The following ITGA2 variants were observed in gnomAD, a reference collection of about 807,000 sequenced individuals.
The protein encoded by ITGA2 is integrin subunit alpha 2.
A neutral mutation model predicts 146.3 loss-of-function variants in ITGA2; 101 were observed. The ratio of observed to expected loss-of-function variants is 0.69; its 90% CI spans 0.59 to 0.81. The LOEUF is 0.81. Among genes scored for constraint, ITGA2 ranks in the 40% least tolerant of loss-of-function variants. The probability of loss-of-function intolerance (pLI) is 0.00; values close to 1 mark genes in which losing one functional copy is unlikely to be tolerated. For synonymous variants in ITGA2, 477 were observed against 487.1 expected, an observed-to-expected ratio of 0.98 and a Z score of 0.27; for missense variants, 1,281 against 1,402.7, an observed-to-expected ratio of 0.91 and a Z score of 1.39.
At chr5:53,028,693 G>A (rs1411011927) in intron 2 of ITGA2, among the ~76,000 whole-genome samples, 1 of 152,142 alleles carries the variant, frequency 6.6e-6, no homozygotes, top group East Asian at 1.9e-4. Context: ...ACTGAACTGG[G>A]AGAACACAAG....
chr5:53,023,753 G>T (rs1335253937), intron 1 of ITGA2, among the ~76,000 whole-genome samples: 2 of 152,168 alleles, frequency 1.3e-5, no homozygotes, highest in Admixed American at 1.3e-4. Context: ...GACATCAGAA[G>T]ATATAGGCAC....
rs761181933 is a variant in ITGA2, at chr5:53,080,621, G to T, written c.3039G>T (p.Lys1013Asn). The T allele has an allele frequency of 1.2e-6, 2 of 1,607,084 alleles. No homozygotes were observed. The highest frequency in any genetic ancestry group is 1.7e-6 in the Non-Finnish European group (2 of 1,173,908). ...ACCTAACTGGGGTGCAAACAGACAA[G>T]GTAAAGATTAAAAAATTGCCTAAAA... ...LMYLTGVQTD[K>N]AGDISCNADI... The change falls in exon 25 of 30, where the codon AAG becomes AAT. Residue 1013 changes from lysine to asparagine, a missense_variant and splice_region_variant. Lys to Asn is a moderately conservative substitution (Grantham distance 94). Around this residue, in one of 3 missense-constraint regions of ITGA2, gnomAD observed 475 missense variants for 530.5 expected, o/e 0.90. Coordinates refer to ENST00000296585, the MANE Select transcript of ITGA2 (RefSeq NM_002203.4).
intron 21 of ITGA2, among the ~76,000 whole-genome samples, chr5:53,074,802 A>G (rs3212592): frequency 1.1e-3 from 174 of 152,092 alleles, no homozygotes; most frequent in African/African-American, 4.0e-3. Flanking sequence ...CATCAGCTCA[A>G]AGCTTCCAAA....
intron 2 of ITGA2, among the ~76,000 whole-genome samples, chr5:53,034,817 A>G (rs1355855217): frequency 1.3e-5 from 2 of 152,188 alleles, no homozygotes; most frequent in African/African-American, 4.8e-5. Context: ...GCAACTATTT[A>G]TTAACTTGCT....
rs1579903222 is a variant in ITGA2 at position 53,080,523 on chromosome 5, A to C, written c.2941A>C (p.Ser981Arg). The change falls in exon 25 of 30, where the codon AGT becomes CGT. Residue 981 changes from serine to arginine, a missense_variant. Physicochemically the swap from Ser to Arg is moderately radical, Grantham distance 110. Around this residue, in one of 3 missense-constraint regions of ITGA2, gnomAD observed 475 missense variants for 530.5 expected, o/e 0.90. Coordinates refer to ENST00000296585, the MANE Select transcript of ITGA2 (RefSeq NM_002203.4). ...FIFSLKVTTGSVPVSMATVII... is the reference protein window; with the variant it reads ...FIFSLKVTTGRVPVSMATVII... ...ATTCTCTACATAGGTAACAACAGGA[A>C]GTGTTCCAGTAAGCATGGCAACTGT... The C allele has an allele frequency of 6.2e-7, 1 of 1,613,278 alleles. No individual in the cohort carries two copies. The highest frequency in any genetic ancestry group is 2.2e-5 in the East Asian group (1 of 44,850).
At chr5:53,079,686 C>T (rs1286984526) in intron 24 of ITGA2, among the ~76,000 whole-genome samples, 1 of 152,044 alleles carries the variant, frequency 6.6e-6, no homozygotes, top group African/African-American at 2.4e-5. Context: ...CTAGATACTA[C>T]AATAGAATTT....
At chr5:53,056,271 A>C (rs1744630865) in intron 9 of ITGA2, 122 bp downstream of exon 9, 3 of 757,728 alleles carry the variant, frequency 4.0e-6, no homozygotes, top group Non-Finnish European at 6.5e-6. Context: ...TACTACAATC[A>C]GTAAGAGAAA....
At chr5:53,069,692 G>A (rs900219075) in intron 16 of ITGA2, among the ~76,000 whole-genome samples, 6 of 151,886 alleles carry the variant, frequency 4.0e-5, no homozygotes, top group African/African-American at 1.4e-4. Flanking sequence ...CAGATTCATT[G>A]TAAAACTTGT....
intron 18 of ITGA2, 53 bp downstream of exon 18, chr5:53,072,101 T>C: frequency 2.5e-6 from 3 of 1,216,276 alleles, no homozygotes; most frequent in Admixed American, 3.5e-5. Context: ...AGTTCCACAG[T>C]CACTGCAATA....
chr5:53,036,914 T>C (rs957332046), intron 2 of ITGA2, among the ~76,000 whole-genome samples: 1 of 152,122 alleles, frequency 6.6e-6, no homozygotes, highest in African/African-American at 2.4e-5. Flanking sequence ...GTGTACCATT[T>C]CAGTCCCCAA....
At chr5:53,059,814 T>C (rs930001371) in intron 10 of ITGA2, 60 bp from the exon 11 acceptor site, 1 of 1,509,252 alleles carries the variant, frequency 6.6e-7, no homozygotes, top group African/African-American at 1.4e-5. Flanking sequence ...TTGCCTACCC[T>C]GCATTCTTAT....
intron 29 of ITGA2, 143 bp downstream of exon 29, chr5:53,090,205 C>T: frequency 2.8e-6 from 2 of 715,480 alleles, no homozygotes; most frequent in Non-Finnish European, 4.9e-6. Flanking sequence ...TAATTTCTTA[C>T]TCATGTCATT....
intron 1 of ITGA2, among the ~76,000 whole-genome samples, chr5:53,026,005 G>T (rs1328861960): frequency 6.6e-6 from 1 of 152,142 alleles, no homozygotes; most frequent in Non-Finnish European, 1.5e-5. Context: ...TATATGCCTT[G>T]GTCTTTGTTC....
In ITGA2 at chr5:53,042,370, A is replaced by C. The variant is rs554404155; in HGVS notation, c.295+149A>C. 100 of 652,272 alleles carry C rather than the reference A, an allele frequency of 1.5e-4. 2 individuals carry two copies. In the South Asian group the frequency reaches 1.6e-3, roughly 10 times the overall value. 40.4% of individuals were successfully genotyped at this position (652,272 alleles called of 1,614,324 possible). On this transcript the variant is annotated intron_variant, in intron 3 of 29. Transcript: ENST00000296585. ...AGTAATATGGGGCACAATCATATCC[A>C]AATTTCCAAAACAGTTTGGAGACTT...
Position 53,083,412 on chromosome 5 carries a change from G to T in ITGA2, c.3217G>T (p.Val1073Phe). 1 of 1,612,958 alleles carries T rather than the reference G, an allele frequency of 6.2e-7. No individual in the cohort carries two copies. The highest frequency in any genetic ancestry group is 8.5e-7 in the Non-Finnish European group (1 of 1,178,980). ...CGTTCACATGAAAGGAGAATACTTT[G>T]TTAATGTGACTACCAGAATTTGGAA... ...KDVHMKGEYF[V>F]NVTTRIWNGT... The change falls in exon 27 of 30, where the codon GTT becomes TTT. Residue 1073 changes from valine (V) to phenylalanine (F), a missense_variant. Val to Phe is a conservative substitution (Grantham distance 50). Coordinates refer to ENST00000296585, the MANE Select transcript of ITGA2 (RefSeq NM_002203.4).
chr5:53,050,045 TA>T (rs1396352232), intron 6 of ITGA2, among the ~76,000 whole-genome samples: 2 of 152,198 alleles, frequency 1.3e-5, no homozygotes, highest in Non-Finnish European at 2.9e-5. Flanking sequence ...TTCCGCTAAA[TA>T]AAACTACATA....
intron 28 of ITGA2, chr5:53,089,263 T>C (rs1339289397): frequency 1.3e-5 from 2 of 152,226 alleles, no homozygotes; most frequent in East Asian, 3.8e-4. Flanking sequence ...AAGAGAATGC[T>C]TGAGACACTT....
In ITGA2 at chr5:53,093,180, A is replaced by G. The variant is rs558152595; in HGVS notation, c.*2581A>G. 1 of 152,364 alleles carries G rather than the reference A, an allele frequency of 6.6e-6. No individual in the cohort carries two copies. Among genetic ancestry groups the G allele is most frequent in the Non-Finnish European group, 1.5e-5 (1 of 68,040 alleles). 9.4% of individuals were successfully genotyped at this position (152,364 alleles called of 1,614,324 possible). A position where few individuals can be genotyped will look rare whatever the true frequency, so the allele number is the denominator to read the frequency against. ...TTCAATGTGCTATACAAACAATTAT[A>G]GCACATCCTTCCTTTTACTCTGTCT... On this transcript the variant is annotated 3_prime_UTR_variant, in exon 30 of 30. Coordinates refer to ENST00000296585, the MANE Select transcript of ITGA2 (RefSeq NM_002203.4).
At chr5:53,017,511 T>A (rs1742449229) in intron 1 of ITGA2, among the ~76,000 whole-genome samples, 1 of 152,220 alleles carries the variant, frequency 6.6e-6, no homozygotes, top group South Asian at 2.1e-4. Context: ...GATGGGGGAA[T>A]GCCAGCCAAA....
Sources: gnomAD v4.1 joint callset for allele counts (sites outside exome capture counted in the v4.1 genomes callset) on GRCh38, gnomAD v4.1.1 for gene constraint, gnomAD v4.1.1 regional missense constraint, MANE v1.5 for transcripts, NCBI Gene and HGNC (gene_info 2026-07-23, HGNC 2026-07-21) for gene names.